Variants in KCNN2 observed in about 807,000 individuals in gnomAD.
KCNN2 encodes small conductance calcium-activated potassium channel protein 2.
Under a neutral mutation model 55.5 loss-of-function variants are expected in KCNN2, and 24 were observed. The observed-to-expected ratio is 0.43, with a 90% confidence interval of 0.31 to 0.61. The LOEUF is 0.61. Ranked by LOEUF, KCNN2 falls within the 20% of genes least tolerant of loss-of-function variation. The pLI is 0.08. For missense variants in KCNN2, 754 were observed against 853.6 expected, an observed-to-expected ratio of 0.88 and a Z score of 1.45; for synonymous variants, 431 against 336.1, an observed-to-expected ratio of 1.28 and a Z score of -3.09.
At chr5:114,254,086 A>G (rs1197691784) in intron 2 of KCNN2, among the ~76,000 whole-genome samples, 2 of 152,210 alleles carry the variant, frequency 1.3e-5, no homozygotes, top group Non-Finnish European at 2.9e-5. Flanking sequence ...TTATTCTGAG[A>G]TTCACTGACA....
intron 1 of KCNN2, among the ~76,000 whole-genome samples, chr5:114,181,550 A>C (rs1447913229): frequency 6.6e-6 from 1 of 152,072 alleles, no homozygotes; most frequent in Non-Finnish European, 1.5e-5. Flanking sequence ...TCATTTTCCT[A>C]ATGATATATT....
intron 1 of KCNN2, among the ~76,000 whole-genome samples, chr5:114,069,764 C>T (rs926402987): frequency 1.3e-5 from 2 of 152,206 alleles, no homozygotes; most frequent in African/African-American, 2.4e-5. Context: ...CCTAATTCTC[C>T]TCTGCCCACC....
chr5:114,113,945 T>C, intron 1 of KCNN2, among the ~76,000 whole-genome samples: 1 of 152,084 alleles, frequency 6.6e-6, no homozygotes, highest in Admixed American at 6.6e-5. Flanking sequence ...TATGTCAAAA[T>C]GACCTATTTT....
chr5:114,307,886 C>T (rs1040376206), intron 2 of KCNN2, among the ~76,000 whole-genome samples: 2 of 151,978 alleles, frequency 1.3e-5, no homozygotes, highest in Admixed American at 1.3e-4. Context: ...CTTTGAACAT[C>T]AGCTTAATTC....
At position 114,315,352 on chromosome 5, in the gene KCNN2, G is replaced by A. The variant is rs180818442; in HGVS notation, c.-184-45593G>A. On this transcript the variant is annotated intron_variant, in intron 2 of 10. Transcript: ENST00000512097. ...TTTTATAGAGATACCAAAGAGACAA[G>A]TGTAATGCCTAGCATGGAACACACT... Among the ~76,000 whole-genome samples, 332 of 151,854 alleles carry A rather than the reference G, an allele frequency of 2.2e-3. 4 individuals are homozygous for A. The highest frequency in any genetic ancestry group is 3.3e-3 in the Non-Finnish European group (222 of 67,952).
chr5:114,416,244 T>A (rs189202984), intron 3 of KCNN2, among the ~76,000 whole-genome samples: 1 of 152,076 alleles, frequency 6.6e-6, no homozygotes, highest in East Asian at 1.9e-4. Flanking sequence ...CCAATGGGAA[T>A]TTTAAGATTC....
chr5:114,381,075 G>A (rs891721431), intron 2 of KCNN2, among the ~76,000 whole-genome samples: 1 of 152,162 alleles, frequency 6.6e-6, no homozygotes, highest in Non-Finnish European at 1.5e-5. Flanking sequence ...TTCACGAAAA[G>A]CTAATTAAGA....
At chr5:114,461,046 A>AGTT (rs756899380) in intron 3 of KCNN2, among the ~76,000 whole-genome samples, 7 of 152,028 alleles carry the variant, frequency 4.6e-5, no homozygotes, top group Non-Finnish European at 1.0e-4. Flanking sequence ...TATAATCCAG[A>AGTT]GTTTATTTCT....
At chr5:114,228,803 T>C (rs1285154141) in intron 2 of KCNN2, among the ~76,000 whole-genome samples, 1 of 152,076 alleles carries the variant, frequency 6.6e-6, no homozygotes, top group Admixed American at 6.5e-5. Flanking sequence ...TGGATTCTTA[T>C]GATGTAAGGT....
At chr5:114,364,124 C>T in intron 2 of KCNN2, 123 bp downstream of exon 2, 1 of 703,366 alleles carries the variant, frequency 1.4e-6, no homozygotes, top group African/African-American at 1.8e-5. Context: ...AAGACACATG[C>T]TGTATTGTTA....
At chr5:114,154,424 T>A (rs891458974) in intron 1 of KCNN2, among the ~76,000 whole-genome samples, 1 of 152,054 alleles carries the variant, frequency 6.6e-6, no homozygotes, top group Admixed American at 6.6e-5. Context: ...GAAATGTGGG[T>A]GGCACTAGAG....
At chr5:114,426,946 T>A (rs1036277208) in intron 3 of KCNN2, among the ~76,000 whole-genome samples, 1 of 152,220 alleles carries the variant, frequency 6.6e-6, no homozygotes, top group Non-Finnish European at 1.5e-5. Context: ...CATTACACAC[T>A]CACAGCGGAA....
intron 6 of KCNN2, among the ~76,000 whole-genome samples, chr5:114,490,171 G>A (rs950163353): frequency 1.3e-5 from 2 of 151,994 alleles, no homozygotes; most frequent in South Asian, 2.1e-4. Context: ...CTCAACTATG[G>A]ACCAACATGA....
intron 3 of KCNN2, among the ~76,000 whole-genome samples, chr5:114,444,508 A>T (rs888658322): frequency 7.9e-5 from 12 of 152,094 alleles, no homozygotes; most frequent in African/African-American, 2.9e-4. Context: ...GCAAAAATTA[A>T]GATTGGAGTG....
intron 3 of KCNN2, among the ~76,000 whole-genome samples, chr5:114,410,932 T>C (rs1409444278): frequency 6.6e-6 from 1 of 152,224 alleles, no homozygotes; most frequent in Non-Finnish European, 1.5e-5. Flanking sequence ...AATAATTTGC[T>C]CTTTTTGAAA....
At chr5:114,267,409 A>G (rs951641475) in intron 2 of KCNN2, among the ~76,000 whole-genome samples, 1 of 152,108 alleles carries the variant, frequency 6.6e-6, no homozygotes, top group Non-Finnish European at 1.5e-5. Flanking sequence ...TGCTCACAGA[A>G]CTGCCCTTTA....
At chr5:114,357,017 A>G (rs2150042241) in intron 2 of KCNN2, among the ~76,000 whole-genome samples, 1 of 152,114 alleles carries the variant, frequency 6.6e-6, no homozygotes, top group East Asian at 1.9e-4. Flanking sequence ...ATTGTAGTTG[A>G]CTCACCCAGG....
At position 114,362,948 on chromosome 5, in the gene KCNN2, C is replaced by CCGG. The variant is rs34641516; in HGVS notation, c.809_810insCGG (p.Ala270_Val271insGly). ...TCTGCAGCCGCTGCCGCCGCCGCCG[C>CCGG]TGTTTCGTCCTCAGCCCCCGAGATC... On this transcript the variant is annotated inframe_insertion, in exon 1 of 8. Transcript: ENST00000673685. The CCGG allele has an allele frequency of 6.3e-7, 1 of 1,588,542 alleles. No individual in the cohort carries two copies. The highest frequency in any genetic ancestry group is 2.3e-5 in the East Asian group (1 of 43,930).
In KCNN2 at chr5:114,363,078, C is replaced by T. The variant is rs1231702963; in HGVS notation, c.939C>T (p.His313=). ...GGGGGGGGSG[H]GSSSGTKSSK... Reference sequence around the variant, plus strand: ...GCGGCGGCGGTGGCGGGAGCGGGCACGGCAGCAGCAGTGGCACCAAGTCCA... The same window carrying T: ...GCGGCGGCGGTGGCGGGAGCGGGCATGGCAGCAGCAGTGGCACCAAGTCCA... The change falls in exon 1 of 8, where the codon CAC becomes CAT. Residue 313 remains histidine, a synonymous_variant. Transcript: ENST00000673685. 6 of 1,610,396 alleles carry T rather than the reference C, an allele frequency of 3.7e-6. No homozygotes were observed. The highest frequency in any genetic ancestry group is 3.4e-6 in the Non-Finnish European group (4 of 1,179,554).
Sources: gnomAD v4.1 joint callset for allele counts (sites outside exome capture counted in the v4.1 genomes callset) on GRCh38, gnomAD v4.1.1 for gene constraint, MANE v1.5 for transcripts, NCBI Gene and HGNC (gene_info 2026-07-23, HGNC 2026-07-21) for gene names.